Variants in SLC35F3 observed in about 807,000 individuals in gnomAD.
The protein encoded by SLC35F3 is putative thiamine transporter SLC35F3.
Under a neutral mutation model 49.9 loss-of-function variants are expected in SLC35F3, and 25 were observed. The observed-to-expected ratio is 0.50, with a 90% CI of 0.37 to 0.70. The LOEUF is 0.70. SLC35F3 is among the 30% of genes least tolerant of loss of function. The probability of loss-of-function intolerance (pLI) is 0.00; values close to 1 mark genes in which losing one functional copy is unlikely to be tolerated. For synonymous variants in SLC35F3, 275 were observed against 265.4 expected (o/e 1.04, Z -0.35); for missense variants, 525 against 639.8 (o/e 0.82, Z 1.94).
chr1:234,090,100 C>T (rs574891315), intron 2 of SLC35F3, among the ~76,000 whole-genome samples: 1 of 152,386 alleles, frequency 6.6e-6, no homozygotes, highest in Admixed American at 6.5e-5. Flanking sequence ...GACAATTTGG[C>T]AATGTGCTGT....
rs1249894928 is a variant in SLC35F3, at chr1:234,108,677, TATA to T, written c.284-122739_284-122737del. Among the ~76,000 whole-genome samples, 324 of 122,898 alleles carry T rather than the reference TATA, an allele frequency of 2.6e-3. 36 individuals are homozygous for T. The East Asian group carries it at 0.06, about 23-fold the overall frequency. 80.6% of individuals were successfully genotyped at this position (122,898 alleles called of 152,430 possible). On this transcript the variant is annotated intron_variant, in intron 2 of 7. Transcript: ENST00000366618. ...TATATTTATATATATAAAAGATATA[TATA>T]TTTTTATATATAAAATATATATTAT... is the stretch of plus-strand genomic sequence containing the variant.
chr1:233,956,034 T>A (rs1662695408), intron 2 of SLC35F3, among the ~76,000 whole-genome samples: 2 of 151,932 alleles, frequency 1.3e-5, no homozygotes, highest in Admixed American at 6.6e-5. Context: ...ATTATAGGCA[T>A]GCGCCACCAC....
intron 2 of SLC35F3, among the ~76,000 whole-genome samples, chr1:233,905,962 T>TA (rs938253450): frequency 6.6e-6 from 1 of 152,196 alleles, no homozygotes; most frequent in Admixed American, 6.5e-5. Context: ...TGCGTTCTCT[T>TA]ACACCCCTTC....
At chr1:234,322,383 T>C (rs1657641995) in intron 7 of SLC35F3, among the ~76,000 whole-genome samples, 1 of 152,208 alleles carries the variant, frequency 6.6e-6, no homozygotes, top group African/African-American at 2.4e-5. Flanking sequence ...TTATTTGTGT[T>C]ATGTATTGTA....
chr1:234,277,205 C>T (rs149073497), intron 3 of SLC35F3, among the ~76,000 whole-genome samples: 9 of 152,298 alleles, frequency 5.9e-5, no homozygotes, highest in East Asian at 1.9e-4. Flanking sequence ...TCTGTGTGGC[C>T]GGCGGTAGGT....
chr1:234,222,626 T>G lies in SLC35F3; in HGVS notation c.284-8791T>G, dbSNP rs369909758. Among the ~76,000 whole-genome samples, 8 of 152,270 alleles carry G rather than the reference T, an allele frequency of 5.3e-5. No individual in the cohort carries two copies. In the East Asian group the frequency reaches 1.5e-3, roughly 29 times the overall value. ...CTTCACAGGAGAAGGCTCCAGCATG[T>G]CCCTCTTCCTCAAGAGCCCTCAGGC... On this transcript the variant is annotated intron_variant, in intron 2 of 7. Coordinates refer to ENST00000366618, the MANE Select transcript of SLC35F3 (RefSeq NM_173508.4).
intron 2 of SLC35F3, among the ~76,000 whole-genome samples, chr1:234,171,280 G>A (rs1367832361): frequency 6.6e-6 from 1 of 152,186 alleles, no homozygotes; most frequent in Non-Finnish European, 1.5e-5. Context: ...TCTGTCCCCA[G>A]CCCCAGAGGC....
chr1:234,116,698 G>A (rs981498737), intron 2 of SLC35F3, among the ~76,000 whole-genome samples: 2 of 152,006 alleles, frequency 1.3e-5, no homozygotes, highest in Admixed American at 6.6e-5. Context: ...ATTTTTAGTA[G>A]AGACAGGGTT....
At chr1:233,955,205 T>C (rs1415444950) in intron 2 of SLC35F3, among the ~76,000 whole-genome samples, 1 of 152,202 alleles carries the variant, frequency 6.6e-6, no homozygotes, top group African/African-American at 2.4e-5. Context: ...GGCTTCCTGT[T>C]ATTTGCAACA....
chr1:233,995,705 ACAG>A (rs2102829510), intron 2 of SLC35F3, among the ~76,000 whole-genome samples: 1 of 152,238 alleles, frequency 6.6e-6, no homozygotes, highest in South Asian at 2.1e-4. Context: ...TCCCTGGTAA[ACAG>A]CACGTGTCTC....
At chr1:233,963,985 T>C (rs1571999805) in intron 2 of SLC35F3, among the ~76,000 whole-genome samples, 2 of 152,218 alleles carry the variant, frequency 1.3e-5, no homozygotes, top group African/African-American at 4.8e-5. Flanking sequence ...GAAAGACTTA[T>C]CATCATTTCT....
intron 2 of SLC35F3, among the ~76,000 whole-genome samples, chr1:233,920,750 C>T (rs1315669840): frequency 6.6e-6 from 1 of 152,246 alleles, no homozygotes; most frequent in African/African-American, 2.4e-5. Flanking sequence ...ACCCTCTTTT[C>T]AGCCTTGATG....
intron 4 of SLC35F3, among the ~76,000 whole-genome samples, chr1:234,310,956 G>A (rs540935721): frequency 6.0e-4 from 92 of 152,166 alleles, no homozygotes; most frequent in African/African-American, 2.1e-3. Context: ...GGCACATTCC[G>A]GCCATGGTGG....
chr1:234,081,555 A>G (rs1664875505), intron 2 of SLC35F3, among the ~76,000 whole-genome samples: 1 of 151,972 alleles, frequency 6.6e-6, no homozygotes, highest in Admixed American at 6.6e-5. Context: ...CATTATAACC[A>G]CAGAGCCCTG....
intron 2 of SLC35F3, among the ~76,000 whole-genome samples, chr1:234,147,117 A>T (rs1321942804): frequency 1.3e-5 from 2 of 151,834 alleles, no homozygotes; most frequent in Admixed American, 1.3e-4. Context: ...TAGAATTTTC[A>T]CTTTGTCTTT....
At chr1:234,311,809 A>G (rs1657362383) in intron 4 of SLC35F3, among the ~76,000 whole-genome samples, 2 of 152,218 alleles carry the variant, frequency 1.3e-5, no homozygotes, top group Non-Finnish European at 2.9e-5. Context: ...TAGCTCAGCG[A>G]TGGAGATGTC....
At chr1:233,974,484 A>G (rs1054776553) in intron 2 of SLC35F3, among the ~76,000 whole-genome samples, 2 of 152,040 alleles carry the variant, frequency 1.3e-5, no homozygotes, top group African/African-American at 2.4e-5. Context: ...CCCGGCCTCT[A>G]TTTGTTCTCT....
At position 233,960,620 on chromosome 1, in the gene SLC35F3, T is replaced by C. The variant is rs146409962; in HGVS notation, c.283+54862T>C. On this transcript the variant is annotated intron_variant, in intron 2 of 7. Transcript: ENST00000366618. ...GAGTAATGCTAGTTATTAGCATAAC[T>C]TTTTAAGTTAGATCATTTCTCATAT... is the stretch of plus-strand genomic sequence containing the variant. Among the ~76,000 whole-genome samples, 6 of 152,336 alleles carry C rather than the reference T, an allele frequency of 3.9e-5. No homozygotes were observed. The East Asian group carries it at 1.2e-3, about 29-fold the overall frequency.
intron 2 of SLC35F3, among the ~76,000 whole-genome samples, chr1:234,208,961 G>T (rs1248116604): frequency 6.6e-6 from 1 of 152,194 alleles, no homozygotes; most frequent in Non-Finnish European, 1.5e-5. Context: ...TGAGCAAACT[G>T]TTGCACAGTA....
Sources: allele counts gnomAD v4.1 joint callset (sites outside exome capture counted in the v4.1 genomes callset), GRCh38; gene constraint gnomAD v4.1.1; transcripts MANE v1.5; gene names NCBI Gene and HGNC (gene_info 2026-07-23, HGNC 2026-07-21).